PRLR: variants seen among roughly 807,000 people sequenced by gnomAD.
The protein encoded by PRLR is hPRL receptor.
Under a neutral mutation model 40.2 loss-of-function variants are expected in PRLR, and 13 were observed. The ratio of observed to expected loss-of-function variants is 0.32; its 90% CI spans 0.21 to 0.51. The LOEUF (loss-of-function observed/expected upper bound fraction) is 0.51. PRLR is among the 20% of genes least tolerant of loss of function. The pLI, the probability that PRLR is intolerant of heterozygous loss-of-function variation, is 0.97. For synonymous variants in PRLR, 269 were observed against 278.7 expected (o/e 0.97, Z 0.35); for missense variants, 656 against 747.3 (o/e 0.88, Z 1.42).
chr5:35,188,531 G>A (rs1343542376), intron 1 of PRLR, among the ~76,000 whole-genome samples: 1 of 152,210 alleles, frequency 6.6e-6, no homozygotes, highest in Non-Finnish European at 1.5e-5. Flanking sequence ...AAAAGAAATG[G>A]CAGTTGTTTT....
At chr5:35,081,534 G>C (rs1297810680) in intron 5 of PRLR, 2 of 157,254 alleles carry the variant, frequency 1.3e-5, no homozygotes, top group Non-Finnish European at 2.8e-5. Context: ...AGAGTTCCGT[G>C]GGCACTTCTT....
rs555122425 is a variant in PRLR at position 35,167,606 on chromosome 5, C to G, written c.-105-49484G>C. 4.6e-5 allele frequency among the ~76,000 whole-genome samples: 7 copies of G among 151,952 alleles called. 1 individual carries two copies. Among genetic ancestry groups the G allele is most frequent in the African/African-American group, 1.7e-4 (7 of 41,472 alleles). On this transcript the variant is annotated intron_variant, in intron 1 of 9. Transcript: ENST00000618457. ...ATATAGGGTACATTTTTTAAACTGA[C>G]TATTTAAAACAACAATAAAAATGTC...
At chr5:35,184,112 A>G (rs1468353930) in intron 1 of PRLR, among the ~76,000 whole-genome samples, 1 of 152,210 alleles carries the variant, frequency 6.6e-6, no homozygotes, top group African/African-American at 2.4e-5. Flanking sequence ...AATTCCTGAT[A>G]ATTGGAATAA....
At chr5:35,116,773 C>T (rs1005294853) in intron 2 of PRLR, among the ~76,000 whole-genome samples, 2 of 152,132 alleles carry the variant, frequency 1.3e-5, no homozygotes, top group African/African-American at 2.4e-5. Flanking sequence ...GTACCCAGAG[C>T]GTTTTGATGA....
chr5:35,079,415 A>T (rs1579595474), intron 5 of PRLR, among the ~76,000 whole-genome samples: 2 of 152,216 alleles, frequency 1.3e-5, no homozygotes, highest in African/African-American at 4.8e-5. Flanking sequence ...CACCAATAAC[A>T]GACAAACAGA....
intron 1 of PRLR, among the ~76,000 whole-genome samples, chr5:35,137,846 A>T (rs1173606812): frequency 6.6e-6 from 1 of 152,196 alleles, no homozygotes; most frequent in Non-Finnish European, 1.5e-5. Flanking sequence ...CGGGAAGCAG[A>T]TTCGCTTGAA....
In PRLR at chr5:35,084,625, T is replaced by C. The variant is rs891541038; in HGVS notation, c.218A>G (p.His73Arg). The C allele has an allele frequency of 6.8e-6, 11 of 1,610,282 alleles. No individual in the cohort carries two copies. Among genetic ancestry groups the C allele is most frequent in the East Asian group, 2.2e-5 (1 of 44,612 alleles). Residue 73 changes from histidine to arginine, a missense_variant, in exon 5 of 10, where the codon CAT becomes CGT. Around this residue, in one of 3 missense-constraint regions of PRLR, gnomAD observed 180 missense variants for 236.8 expected, o/e 0.76. Coordinates refer to ENST00000618457, the MANE Select transcript of PRLR (RefSeq NM_000949.7). The part of the protein sequence containing the change: ...TYHREGETLM[H>R]ECPDYITGGP... The stretch of plus-strand genomic sequence containing the variant: ...ACCGGTTATGTAGTCTGGACATTCA[T>C]GCATGAGTGTCTCTCTGCAATAAGT...
At chr5:35,079,028 C>T (rs1770317567) in intron 5 of PRLR, among the ~76,000 whole-genome samples, 1 of 152,164 alleles carries the variant, frequency 6.6e-6, no homozygotes, top group Admixed American at 6.5e-5. Context: ...TAAAAACTCT[C>T]AATAAACTAG....
chr5:35,126,528 T>A (rs1409203254), intron 1 of PRLR, among the ~76,000 whole-genome samples: 1 of 152,200 alleles, frequency 6.6e-6, no homozygotes, highest in African/African-American at 2.4e-5. Flanking sequence ...TGTGTGAATA[T>A]TGGCCCACCC....
chr5:35,164,482 C>T (rs1270236085), intron 1 of PRLR, among the ~76,000 whole-genome samples: 1 of 152,086 alleles, frequency 6.6e-6, no homozygotes, highest in Non-Finnish European at 1.5e-5. Context: ...ATGAAAATAG[C>T]AAGCACAAAA....
At chr5:35,083,432 C>T (rs1770643457) in intron 5 of PRLR, among the ~76,000 whole-genome samples, 1 of 141,280 alleles carries the variant, frequency 7.1e-6, no homozygotes, top group African/African-American at 3.1e-5. Flanking sequence ...CTCTCTCTCT[C>T]TCTCTTCCTC....
intron 1 of PRLR, among the ~76,000 whole-genome samples, chr5:35,149,184 T>G (rs1774272323): frequency 1.3e-5 from 2 of 152,284 alleles, no homozygotes; most frequent in South Asian, 2.1e-4. Context: ...AGCAGCTCTG[T>G]GTACATCTGA....
At chr5:35,163,082 C>A (rs1485157283) in intron 1 of PRLR, among the ~76,000 whole-genome samples, 2 of 152,136 alleles carry the variant, frequency 1.3e-5, no homozygotes, top group Non-Finnish European at 2.9e-5. Context: ...GTTTGCTCTG[C>A]TGGCAGAGGG....
intron 3 of PRLR, 96 bp from the exon 4 acceptor site, chr5:35,086,436 A>T: frequency 1.4e-6 from 2 of 1,471,174 alleles, no homozygotes; most frequent in Non-Finnish European, 1.9e-6. Flanking sequence ...GACCAAAGCC[A>T]GCGATGAAGT....
intron 8 of PRLR, among the ~76,000 whole-genome samples, chr5:35,068,551 G>A (rs1000024071): frequency 1.3e-5 from 2 of 152,074 alleles, no homozygotes; most frequent in African/African-American, 4.8e-5. Flanking sequence ...GATTTTTACT[G>A]TTTCACAACT....
At chr5:35,191,233 G>A (rs2111561545) in intron 1 of PRLR, among the ~76,000 whole-genome samples, 1 of 128,518 alleles carries the variant, frequency 7.8e-6, no homozygotes, top group South Asian at 2.5e-4. Context: ...ACTACGCCCG[G>A]CTAATTTTTT....
intron 1 of PRLR, among the ~76,000 whole-genome samples, chr5:35,220,079 C>A (rs950043828): frequency 3.9e-5 from 6 of 152,154 alleles, no homozygotes; most frequent in African/African-American, 1.4e-4. Flanking sequence ...TCCTACAAAC[C>A]CTCTGCTTTC....
intron 2 of PRLR, among the ~76,000 whole-genome samples, chr5:35,106,369 C>T (rs1250299940): frequency 6.6e-6 from 1 of 152,206 alleles, no homozygotes; most frequent in African/African-American, 2.4e-5. Context: ...CAAATTCACA[C>T]ATAACAATAT....
chr5:35,066,272 AT>A (rs796177501), intron 9 of PRLR, among the ~76,000 whole-genome samples, 170 bp from the exon 10 acceptor site: 86 of 148,404 alleles, frequency 5.8e-4, no homozygotes, highest in Non-Finnish European at 9.9e-4. Flanking sequence ...TATTCAGCAG[AT>A]TTTTTTTTTT....
Sources: gnomAD v4.1 joint callset for allele counts (sites outside exome capture counted in the v4.1 genomes callset) on GRCh38, gnomAD v4.1.1 for gene constraint, gnomAD v4.1.1 regional missense constraint, MANE v1.5 for transcripts, NCBI Gene and HGNC (gene_info 2026-07-23, HGNC 2026-07-21) for gene names.